The following SNTG1 variants were observed in gnomAD, a reference collection of about 807,000 sequenced individuals.
SNTG1 encodes gamma-1-syntrophin.
SNTG1 carries 39 observed loss-of-function variants against 74.7 expected under a neutral mutation model. That is an observed-to-expected ratio of 0.52 (90% CI 0.40 to 0.68). The LOEUF is 0.68. SNTG1 is among the 30% of genes least tolerant of loss of function. SNTG1 has a pLI of 0.00. For synonymous variants in SNTG1, 254 were observed against 217.1 expected (o/e 1.17, Z -1.49); for missense variants, 685 against 609.5 (o/e 1.12, Z -1.30).
At chr8:49,920,886 A>G (rs1043780236) in intron 1 of SNTG1, among the ~76,000 whole-genome samples, 6 of 152,134 alleles carry the variant, frequency 3.9e-5, no homozygotes, top group African/African-American at 1.4e-4. Flanking sequence ...CCGCTATCAA[A>G]TAAAACAAGA....
chr8:50,046,282 A>C (rs993793870), intron 1 of SNTG1, among the ~76,000 whole-genome samples: 5 of 152,146 alleles, frequency 3.3e-5, no homozygotes, highest in African/African-American at 1.2e-4. Context: ...GATTGTTTCC[A>C]AGAGCTAGCA....
At chr8:50,330,285 C>T (rs2090912626) in intron 2 of SNTG1, among the ~76,000 whole-genome samples, 1 of 152,228 alleles carries the variant, frequency 6.6e-6, no homozygotes, top group South Asian at 2.1e-4. Context: ...TTTGTTTCCC[C>T]TTCCACTGTG....
chr8:50,634,848 C>T (rs1487903645), intron 13 of SNTG1, among the ~76,000 whole-genome samples: 1 of 152,196 alleles, frequency 6.6e-6, no homozygotes, highest in African/African-American at 2.4e-5. Flanking sequence ...TCTGTCCCCA[C>T]ACTCTTTTGT....
At chr8:50,645,484 G>T (rs2095102982) in intron 13 of SNTG1, among the ~76,000 whole-genome samples, 1 of 151,538 alleles carries the variant, frequency 6.6e-6, no homozygotes, top group South Asian at 2.1e-4. Context: ...TTTATCCTCT[G>T]TTTTTTTAAG....
At chr8:50,169,913 C>A (rs145878986) in intron 1 of SNTG1, among the ~76,000 whole-genome samples, 7 of 152,204 alleles carry the variant, frequency 4.6e-5, no homozygotes, top group African/African-American at 1.7e-4. Context: ...TCACCCACTG[C>A]ACTCTAGTCT....
chr8:50,433,679 T>G (rs1016136194), intron 4 of SNTG1, among the ~76,000 whole-genome samples: 1 of 152,302 alleles, frequency 6.6e-6, no homozygotes, highest in Admixed American at 6.5e-5. Flanking sequence ...TGATAATTAC[T>G]TAGAATAATG....
intron 1 of SNTG1, among the ~76,000 whole-genome samples, chr8:50,082,498 A>G (rs778144068): frequency 2.0e-5 from 3 of 151,736 alleles, no homozygotes; most frequent in Non-Finnish European, 4.4e-5. Flanking sequence ...ATCTGCTCCT[A>G]TTTTTTCTTC....
chr8:50,435,125 T>C (rs182706416), intron 4 of SNTG1, among the ~76,000 whole-genome samples: 2 of 152,294 alleles, frequency 1.3e-5, no homozygotes, highest in Admixed American at 1.3e-4. Context: ...AAGTATTTAA[T>C]ACAAGGCTTT....
intron 18 of SNTG1, among the ~76,000 whole-genome samples, chr8:50,779,065 TCTGTTTTGGTACCAGTACCATG>T (rs1320482289): frequency 6.6e-6 from 1 of 152,150 alleles, no homozygotes; most frequent in Non-Finnish European, 1.5e-5. Flanking sequence ...GATCTGTATC[TCTGTTTTGGTACCAGTACCATG>T]CTGTTTTGGT....
chr8:50,306,683 T>C (rs2089911735), intron 2 of SNTG1, among the ~76,000 whole-genome samples: 1 of 152,020 alleles, frequency 6.6e-6, no homozygotes, highest in Non-Finnish European at 1.5e-5. Flanking sequence ...TGTTAGCCAT[T>C]TTTATATCTT....
intron 1 of SNTG1, among the ~76,000 whole-genome samples, chr8:50,081,434 T>C (rs1323767352): frequency 6.6e-6 from 1 of 152,186 alleles, no homozygotes; most frequent in Non-Finnish European, 1.5e-5. Flanking sequence ...ATCAGGTCTC[T>C]TAAATCTATA....
chr8:49,942,044 A>G (rs1216683072), intron 1 of SNTG1, among the ~76,000 whole-genome samples: 1 of 152,220 alleles, frequency 6.6e-6, no homozygotes, highest in Non-Finnish European at 1.5e-5. Flanking sequence ...AATATAGCTC[A>G]AAAAGACAAA....
At chr8:50,292,041 T>C (rs746989133) in intron 2 of SNTG1, among the ~76,000 whole-genome samples, 11 of 152,186 alleles carry the variant, frequency 7.2e-5, no homozygotes, top group Non-Finnish European at 1.6e-4. Flanking sequence ...CTATGACACA[T>C]ACATGTATAA....
At chr8:50,092,997 T>C (rs968842524) in intron 1 of SNTG1, among the ~76,000 whole-genome samples, 5 of 152,108 alleles carry the variant, frequency 3.3e-5, no homozygotes, top group Admixed American at 6.6e-5. Flanking sequence ...GTGGATCTCG[T>C]TGAAGGAGAA....
intron 2 of SNTG1, among the ~76,000 whole-genome samples, chr8:50,393,903 A>G (rs4529480): frequency 0.59 from 90,086 of 152,052 alleles, 26,871 homozygotes; most frequent in East Asian, 0.82. Flanking sequence ...GGAATGAGCG[A>G]GAAGAGGTTG....
At chr8:50,750,928 A>G (rs1287485182) in intron 17 of SNTG1, among the ~76,000 whole-genome samples, 1 of 151,970 alleles carries the variant, frequency 6.6e-6, no homozygotes, top group Non-Finnish European at 1.5e-5. Context: ...ATGCCCGTAT[A>G]TGCTTTTATC....
upstream of SNTG1, chr8:49,911,277 A>C (rs913328569): frequency 6.6e-6 from 1 of 152,210 alleles, no homozygotes; most frequent in South Asian, 2.1e-4. Context: ...TTAAAGATCC[A>C]CGAGCTTTCC....
intron 18 of SNTG1, among the ~76,000 whole-genome samples, chr8:50,778,885 G>A (rs983383583): frequency 6.6e-6 from 1 of 152,068 alleles, no homozygotes; most frequent in Non-Finnish European, 1.5e-5. Flanking sequence ...TTTGTATAAG[G>A]TGTAAGGAAG....
rs16914115 is a variant in SNTG1, at chr8:49,968,681, C to T, written c.-103+56450C>T. Among the ~76,000 whole-genome samples, 1,471 of 152,242 alleles carry T rather than the reference C, an allele frequency of 9.7e-3. 20 individuals carry two copies. The highest frequency in any genetic ancestry group is 0.036 in the East Asian group (185 of 5,172). On this transcript the variant is annotated intron_variant, in intron 1 of 18. Coordinates refer to ENST00000642720, the MANE Select transcript of SNTG1 (RefSeq NM_018967.5). ...TATACCAAAGAGATAGACCCTTATTCTTCCAGATAGACCAAAGCTATAGCT... is the reference window on the plus strand; with the variant it reads ...TATACCAAAGAGATAGACCCTTATTTTTCCAGATAGACCAAAGCTATAGCT...
Sources: gnomAD v4.1 joint callset for allele counts (sites outside exome capture counted in the v4.1 genomes callset) on GRCh38, gnomAD v4.1.1 for gene constraint, MANE v1.5 for transcripts, NCBI Gene and HGNC (gene_info 2026-07-23, HGNC 2026-07-21) for gene names.